The following LYRM4 variants were observed in gnomAD, a reference collection of about 807,000 sequenced individuals.
The protein encoded by LYRM4 is LYR motif-containing protein 4.
A neutral mutation model predicts 11.7 loss-of-function variants in LYRM4; 9 were observed. That is an observed-to-expected ratio of 0.77 (90% CI 0.46 to 1.34). The LOEUF (loss-of-function observed/expected upper bound fraction) is 1.34. LYRM4 is among the 40% of genes most tolerant of loss of function. The pLI, the probability that LYRM4 is intolerant of heterozygous loss-of-function variation, is 0.00. For missense variants in LYRM4, 133 were observed against 112.5 expected (o/e 1.18, Z -0.82); for synonymous variants, 42 against 40.4 (o/e 1.04, Z -0.15).
chr6:5,085,431 TA>T, the LYRM4 span: 27 of 1,330,362 alleles, frequency 2.0e-5, no homozygotes, highest in South Asian at 3.7e-4. Context: ...AGGAGTTAGT[TA>T]AGTCTCCAGA....
the LYRM4 span, among the ~76,000 whole-genome samples, chr6:5,062,848 G>A: frequency 6.6e-6 from 1 of 152,186 alleles, no homozygotes; most frequent in Non-Finnish European, 1.5e-5. Flanking sequence ...TGTGATCTCT[G>A]ATGAATGCAA....
rs570396466 is a variant in LYRM4 at position 5,187,500 on chromosome 6, A to G, written c.207+29118T>C. The stretch of plus-strand genomic sequence containing the variant: ...AGACAGTTCTCAGCAAACTATCACA[A>G]TGACAGAAAACCAAACACCGCATGT... On this transcript the variant is annotated intron_variant, in intron 2 of 2. Transcript: ENST00000330636. Among the ~76,000 whole-genome samples the G allele has an allele frequency of 2.9e-3, 435 of 152,288 alleles. 1 individual carries two copies. The highest frequency in any genetic ancestry group is 6.8e-3 in the Middle Eastern group (2 of 294).
rs543098246 is a variant in LYRM4, at chr6:5,149,278, C to T, written c.208-39787G>A. ...TGGGAAAAGCCTGCTAACAAAGACGCACTGCAACAGAAAGACCTCACAGGA... is the reference window on the plus strand; with the variant it reads ...TGGGAAAAGCCTGCTAACAAAGACGTACTGCAACAGAAAGACCTCACAGGA... On this transcript the variant is annotated intron_variant, in intron 2 of 2. Transcript: ENST00000330636. Among the ~76,000 whole-genome samples the T allele has an allele frequency of 3.9e-5, 6 of 152,310 alleles. No homozygotes were observed. In the East Asian group the frequency reaches 1.2e-3, roughly 29 times the overall value.
intron 2 of LYRM4, among the ~76,000 whole-genome samples, chr6:5,179,047 A>T (rs1279935887): frequency 3.7e-5 from 5 of 135,254 alleles, no homozygotes; most frequent in African/African-American, 1.4e-4. Context: ...ATTGCCAAAA[A>T]CAAACAAACC....
downstream of LYRM4, chr6:5,103,152 A>T (rs184578778): frequency 6.6e-6 from 1 of 152,366 alleles, no homozygotes; most frequent in African/African-American, 2.4e-5. Flanking sequence ...TAAACTCTCC[A>T]AGAAAGCCTG....
At chr6:5,158,148 TATGCATGCATGTGA>T (rs1758528688) in intron 2 of LYRM4, among the ~76,000 whole-genome samples, 1 of 152,240 alleles carries the variant, frequency 6.6e-6, no homozygotes, top group Admixed American at 6.5e-5. Flanking sequence ...TGTGTACATT[TATGCATGCATGTGA>T]ATGCATGCAT....
intron 2 of LYRM4, among the ~76,000 whole-genome samples, chr6:5,149,348 T>C (rs1757961268): frequency 6.6e-6 from 1 of 152,176 alleles, no homozygotes; most frequent in Non-Finnish European, 1.5e-5. Context: ...ATCAGCTCAT[T>C]AATTCCTCCA....
the LYRM4 span, among the ~76,000 whole-genome samples, chr6:5,096,326 CA>C: frequency 6.6e-6 from 1 of 151,922 alleles, no homozygotes; most frequent in Non-Finnish European, 1.5e-5. Context: ...CCTATATCTA[CA>C]AAAAATTTAA....
chr6:5,032,370 C>A, the LYRM4 span: 3 of 152,128 alleles, frequency 2.0e-5, no homozygotes, highest in South Asian at 6.2e-4. Flanking sequence ...ACTTTTTATT[C>A]ACTGTTTTTT....
intron 2 of LYRM4, among the ~76,000 whole-genome samples, chr6:5,185,968 C>G (rs1760367105): frequency 6.6e-6 from 1 of 152,016 alleles, no homozygotes; most frequent in Non-Finnish European, 1.5e-5. Flanking sequence ...CCTGGAGTGG[C>G]CAGCCAGAAT....
the LYRM4 span, among the ~76,000 whole-genome samples, chr6:5,080,837 T>G: frequency 1.3e-5 from 2 of 152,158 alleles, no homozygotes; most frequent in African/African-American, 4.8e-5. Flanking sequence ...CTGAATTGTT[T>G]GACATTTCCC....
the LYRM4 span, among the ~76,000 whole-genome samples, chr6:5,048,983 A>G: frequency 6.6e-6 from 1 of 152,184 alleles, no homozygotes; most frequent in African/African-American, 2.4e-5. Context: ...GTAGACTTTT[A>G]GGGAGGAAGT....
At chr6:5,131,992 C>G (rs1233433555) in intron 2 of LYRM4, among the ~76,000 whole-genome samples, 1 of 152,164 alleles carries the variant, frequency 6.6e-6, no homozygotes, top group African/African-American at 2.4e-5. Flanking sequence ...CAGATCAAGA[C>G]ATATCAGCAG....
intron 2 of LYRM4, among the ~76,000 whole-genome samples, chr6:5,183,171 T>C (rs1288405319): frequency 6.6e-6 from 1 of 152,218 alleles, no homozygotes; most frequent in Non-Finnish European, 1.5e-5. Flanking sequence ...GGCCTCTAGC[T>C]GGCTAATCTA....
intron 1 of LYRM4, among the ~76,000 whole-genome samples, chr6:5,226,485 A>G (rs1018830973): frequency 6.6e-6 from 1 of 152,104 alleles, no homozygotes; most frequent in East Asian, 1.9e-4. Context: ...CCTGGGTTCA[A>G]GCGATTCTCC....
At chr6:5,067,038 C>T in the LYRM4 span, 1 of 416,400 alleles carries the variant, frequency 2.4e-6, no homozygotes, top group East Asian at 4.2e-5. Context: ...CTGCAGTGAA[C>T]CCCTAAATTT....
intron 2 of LYRM4, among the ~76,000 whole-genome samples, chr6:5,207,925 T>C (rs563160764): frequency 6.6e-6 from 1 of 152,310 alleles, no homozygotes; most frequent in South Asian, 2.1e-4. Context: ...CTTCAATGTC[T>C]TGTCTCCTTC....
chr6:5,166,635 C>CA (rs146851574), intron 2 of LYRM4, among the ~76,000 whole-genome samples: 2,120 of 152,300 alleles, frequency 0.014, 42 homozygotes, highest in African/African-American at 0.046. Context: ...ATCATCACCA[C>CA]ATCAGGTGAG....
chr6:5,061,713 T>C, the LYRM4 span, among the ~76,000 whole-genome samples: 1 of 152,142 alleles, frequency 6.6e-6, no homozygotes, highest in Non-Finnish European at 1.5e-5. Flanking sequence ...ACAGGAAGTC[T>C]TGTACTGTTC....
Sources: gnomAD v4.1 joint callset for allele counts (sites outside exome capture counted in the v4.1 genomes callset) on GRCh38, gnomAD v4.1.1 for gene constraint, MANE v1.5 for transcripts, NCBI Gene and HGNC (gene_info 2026-07-23, HGNC 2026-07-21) for gene names.